Variants in SKA1 observed in about 807,000 individuals in gnomAD.
SKA1 encodes SKA complex subunit 1.
A neutral mutation model predicts 31.8 loss-of-function variants in SKA1; 20 were observed. That is an observed-to-expected ratio of 0.63 (90% confidence interval 0.44 to 0.91). The LOEUF is 0.91. Among genes scored for constraint, SKA1 ranks in the 40% least tolerant of loss-of-function variants. The probability of loss-of-function intolerance (pLI) is 0.00; values close to 1 mark genes in which losing one functional copy is unlikely to be tolerated. For synonymous variants in SKA1, 88 were observed against 100.5 expected (o/e 0.88, Z 0.74); for missense variants, 253 against 298.2 (o/e 0.85, Z 1.12).
rs536157276 is a variant in SKA1 at position 50,375,854 on chromosome 18, A to G, written c.24A>G (p.Gln8=). 16 of 1,611,378 alleles carry G rather than the reference A, an allele frequency of 9.9e-6. No homozygotes were observed. The East Asian group carries it at 2.5e-4, about 25-fold the overall frequency. The change falls in exon 2 of 7, where the codon CAA becomes CAG. Residue 8 remains glutamine (Q), a synonymous_variant. Coordinates refer to ENST00000285116, the MANE Select transcript of SKA1 (RefSeq NM_145060.4). ...GGATGGCCTCGTCAGATCTGGAACA[A>G]TTATGCTCTCATGTTAATGAAAAGA... MASSDLE[Q]LCSHVNEKIG...
At chr18:50,376,534 A>G (rs748965310) in intron 2 of SKA1, among the ~76,000 whole-genome samples, 2 of 124,944 alleles carry the variant, frequency 1.6e-5, no homozygotes, top group Non-Finnish European at 3.4e-5. Flanking sequence ...GAGCTTGCAG[A>G]ACTGGAAGTT....
Position 50,375,649 on chromosome 18 carries a change from C to G in SKA1, c.-11-171C>G, listed in dbSNP as rs1450238800. ...GCTCTAAGACAAGTCAGTACGGTAC[C>G]GTGGTTAGAAACTGAATGTTGTAGA... On this transcript the variant is annotated intron_variant, in intron 1 of 6. Coordinates refer to ENST00000285116, the MANE Select transcript of SKA1 (RefSeq NM_145060.4). Among the ~76,000 whole-genome samples, 4 of 152,250 alleles carry G rather than the reference C, an allele frequency of 2.6e-5. No homozygotes were observed. In the South Asian group the frequency reaches 8.3e-4, roughly 32 times the overall value.
At position 50,384,856 on chromosome 18, in the gene SKA1, TA is replaced by T. The variant is rs371161517; in HGVS notation, c.312-347del. Among the ~76,000 whole-genome samples, 413 of 61,748 alleles carry T rather than the reference TA, an allele frequency of 6.7e-3. 11 individuals are homozygous for T. The highest frequency in any genetic ancestry group is 0.031 in the African/African-American group (380 of 12,294). The allele number at this position is 61,748 out of a possible 152,430, so 40.5% of individuals were successfully genotyped here. A position where few individuals can be genotyped will look rare whatever the true frequency, so the allele number is the denominator to read the frequency against. On this transcript the variant is annotated intron_variant, in intron 4 of 6. Transcript: ENST00000285116. ...ATGTACCCTAAAACTTAGAGTATAA[TA>T]AAAAAAAAAAAATTAAAAAAAAAAA...
intron 3 of SKA1, among the ~76,000 whole-genome samples, chr18:50,381,882 C>G (rs1158603846): frequency 2.0e-5 from 3 of 152,062 alleles, no homozygotes; most frequent in Non-Finnish European, 4.4e-5. Context: ...CGTGCCACCA[C>G]GCCCGGCTAA....
chr18:50,384,892 G>GAAAAAAAA (rs796154111), intron 4 of SKA1, among the ~76,000 whole-genome samples: 4 of 68,570 alleles, frequency 5.8e-5, no homozygotes, highest in African/African-American at 1.5e-4. Flanking sequence ...AAAAAAAAAG[G>GAAAAAAAA]AAAAAAAAAA....
chr18:50,381,879 C>T (rs148558845), intron 3 of SKA1, among the ~76,000 whole-genome samples: 1 of 152,202 alleles, frequency 6.6e-6, no homozygotes, highest in East Asian at 1.9e-4. Flanking sequence ...GCGCGTGCCA[C>T]CACGCCCGGC....
intron 2 of SKA1, among the ~76,000 whole-genome samples, chr18:50,379,540 C>T (rs1045355565): frequency 6.6e-6 from 1 of 152,238 alleles, no homozygotes; most frequent in East Asian, 1.9e-4. Context: ...TTACAACTTT[C>T]ACTGAAAATA....
At chr18:50,388,349 C>T (rs2041327624) in intron 5 of SKA1, among the ~76,000 whole-genome samples, 1 of 152,204 alleles carries the variant, frequency 6.6e-6, no homozygotes, top group South Asian at 2.1e-4. Flanking sequence ...CTCAGCCTCC[C>T]AAAGTGCTGG....
At position 50,392,875 on chromosome 18, in the gene SKA1, ACCTGCCACCACGC is replaced by A. The variant is rs1158731211; in HGVS notation, c.*631_*643del. 6.6e-6 allele frequency: 1 copy of A among 150,854 alleles called. No homozygotes were observed. The highest frequency in any genetic ancestry group is 1.5e-5 in the Non-Finnish European group (1 of 67,814). 9.3% of individuals were successfully genotyped at this position (150,854 alleles called of 1,614,324 possible). On this transcript the variant is annotated 3_prime_UTR_variant, in exon 7 of 7. Transcript: ENST00000285116. ...CTCCTGAGTAGCTGGGACTACAGGC[ACCTGCCACCACGC>A]CCAGCTAATTTTTTGTATTTTTAGT...
At chr18:50,379,854 G>A (rs576714670) in intron 2 of SKA1, among the ~76,000 whole-genome samples, 24 of 152,206 alleles carry the variant, frequency 1.6e-4, no homozygotes, top group Non-Finnish European at 2.8e-4. Context: ...GTTTTACCTC[G>A]CATTTCTAAG....
At chr18:50,384,856 TAAAAAAAAAAAAATTAAAAA>T (rs1177110647) in intron 4 of SKA1, among the ~76,000 whole-genome samples, 13 of 61,746 alleles carry the variant, frequency 2.1e-4, no homozygotes, top group African/African-American at 8.1e-4. Flanking sequence ...TAGAGTATAA[TAAAAAAAAAAAAATTAAAAA>T]AAAAAAAAAA....
At chr18:50,391,950 T>C in intron 6 of SKA1, 149 bp from the exon 7 acceptor site, 1 of 539,420 alleles carries the variant, frequency 1.9e-6, no homozygotes, top group Non-Finnish European at 3.2e-6. Context: ...GATAGAATAA[T>C]TATTATTTTA....
At chr18:50,385,822 G>A (rs974023267) in intron 5 of SKA1, among the ~76,000 whole-genome samples, 8 of 152,192 alleles carry the variant, frequency 5.3e-5, no homozygotes, top group Admixed American at 1.3e-4. Flanking sequence ...AGAGGGGGGC[G>A]GGTCTCCCTT....
At chr18:50,384,892 G>T (rs867301457) in intron 4 of SKA1, among the ~76,000 whole-genome samples, 2 of 68,548 alleles carry the variant, frequency 2.9e-5, no homozygotes, top group South Asian at 4.0e-4. Context: ...AAAAAAAAAG[G>T]AAAAAAAAAA....
chr18:50,386,889 C>G (rs2041312895), intron 5 of SKA1, among the ~76,000 whole-genome samples: 1 of 152,116 alleles, frequency 6.6e-6, no homozygotes, highest in African/African-American at 2.4e-5. Context: ...AAATAGTACT[C>G]CATTGTATGG....
At position 50,375,844 on chromosome 18, in the gene SKA1, A is replaced by G. The variant is rs2041210589; in HGVS notation, c.14A>G (p.Asp5Gly). The G allele has an allele frequency of 6.2e-7, 1 of 1,608,854 alleles. No individual in the cohort carries two copies. Among genetic ancestry groups the G allele is most frequent in the Non-Finnish European group, 8.5e-7 (1 of 1,177,874 alleles). Residue 5 changes from aspartate (D) to glycine (G), a missense_variant, in exon 2 of 7, where the codon GAT becomes GGT. By Grantham distance (94) the Asp-to-Gly change is moderately conservative (BLOSUM62 -1). Transcript: ENST00000285116. MASSDLEQLCSHVNE... is the reference protein window; with the variant it reads MASSGLEQLCSHVNE... ...GAGGCTTAAAGGATGGCCTCGTCAGATCTGGAACAATTATGCTCTCATGTT... is the reference window on the plus strand; with the variant it reads ...GAGGCTTAAAGGATGGCCTCGTCAGGTCTGGAACAATTATGCTCTCATGTT...
At chr18:50,391,724 C>A (rs146551803) in intron 6 of SKA1, among the ~76,000 whole-genome samples, 2 of 152,104 alleles carry the variant, frequency 1.3e-5, no homozygotes, top group Admixed American at 6.5e-5. Flanking sequence ...TCAATCCTTA[C>A]AACACCCGTA....
intron 2 of SKA1, among the ~76,000 whole-genome samples, chr18:50,378,327 C>A (rs762540303): frequency 3.9e-5 from 6 of 152,082 alleles, no homozygotes; most frequent in Non-Finnish European, 7.4e-5. Context: ...GGCTCCATAG[C>A]CTATAAAATA....
At chr18:50,382,939 C>T (rs893705052) in intron 4 of SKA1, among the ~76,000 whole-genome samples, 5 of 152,244 alleles carry the variant, frequency 3.3e-5, no homozygotes, top group South Asian at 2.1e-4. Flanking sequence ...GGAGCTGAGG[C>T]GGGAGGATTG....
Sources: allele counts gnomAD v4.1 joint callset (sites outside exome capture counted in the v4.1 genomes callset), GRCh38; gene constraint gnomAD v4.1.1; transcripts MANE v1.5; gene names NCBI Gene and HGNC (gene_info 2026-07-23, HGNC 2026-07-21).